DGKG: variants seen among roughly 807,000 people sequenced by gnomAD.
DGKG encodes DAG kinase gamma.
DGKG carries 78 observed loss-of-function variants against 105.3 expected under a neutral mutation model. The ratio of observed to expected loss-of-function variants is 0.74; its 90% CI spans 0.62 to 0.89. The LOEUF is 0.89. Ranked by LOEUF, DGKG falls within the 40% of genes least tolerant of loss-of-function variation. The pLI is 0.00. For missense variants in DGKG, 958 were observed against 1,020.1 expected (o/e 0.94, Z 0.83); for synonymous variants, 346 against 367.1 (o/e 0.94, Z 0.66).
rs867296049 is a variant in DGKG at position 186,148,384 on chromosome 3, T to G, written c.*1706A>C. The stretch of plus-strand genomic sequence containing the variant: ...ACATGTGGAGAGTTCAGTCTGATGA[T>G]CTGTTTAGTACCTTCGATCTCAGAC... On this transcript the variant is annotated 3_prime_UTR_variant, in exon 25 of 25. Coordinates refer to ENST00000265022, the MANE Select transcript of DGKG (RefSeq NM_001346.3). 3 of 985,396 alleles carry G rather than the reference T, an allele frequency of 3.0e-6. No homozygotes were observed. Among genetic ancestry groups the G allele is most frequent in the African/African-American group, 1.7e-5 (1 of 57,344 alleles). 61.0% of individuals were successfully genotyped at this position (985,396 alleles called of 1,614,324 possible). A position where few individuals can be genotyped will look rare whatever the true frequency, so the allele number is the denominator to read the frequency against.
At chr3:186,273,032 T>G (rs1251784740) in intron 10 of DGKG, among the ~76,000 whole-genome samples, 1 of 152,168 alleles carries the variant, frequency 6.6e-6, no homozygotes, top group African/African-American at 2.4e-5. Flanking sequence ...GGTCAGGGCT[T>G]TTGAAGGCTA....
intron 19 of DGKG, among the ~76,000 whole-genome samples, chr3:186,249,715 G>A (rs548525022): frequency 9.2e-5 from 14 of 152,178 alleles, no homozygotes; most frequent in Admixed American, 2.6e-4. Flanking sequence ...GGTATTGCAC[G>A]CTTGTAACCC....
chr3:186,221,229 G>A (rs1719562623), intron 20 of DGKG, among the ~76,000 whole-genome samples: 1 of 152,298 alleles, frequency 6.6e-6, no homozygotes, highest in Non-Finnish European at 1.5e-5. Context: ...GGGCAGGCAA[G>A]GCCAGGACCA....
At chr3:186,259,803 T>C (rs1235268599) in intron 16 of DGKG, among the ~76,000 whole-genome samples, 1 of 152,146 alleles carries the variant, frequency 6.6e-6, no homozygotes. Flanking sequence ...CACAGAGACC[T>C]GCAGCTCACC....
At chr3:186,186,096 C>CAAAAA (rs3049465) in intron 22 of DGKG, among the ~76,000 whole-genome samples, 29 of 75,220 alleles carry the variant, frequency 3.9e-4, no homozygotes, top group Admixed American at 6.7e-4. Context: ...GACTCTGCCT[C>CAAAAA]AAAAAAAAAA....
chr3:186,209,445 T>C (rs910169827), intron 21 of DGKG, among the ~76,000 whole-genome samples: 6 of 152,030 alleles, frequency 3.9e-5, no homozygotes, highest in African/African-American at 1.4e-4. Context: ...TGCTTCCCCA[T>C]AAAATGGGGA....
chr3:186,295,827 T>G (rs1347270316), intron 5 of DGKG, among the ~76,000 whole-genome samples: 2 of 151,344 alleles, frequency 1.3e-5, no homozygotes, highest in Admixed American at 1.3e-4. Context: ...AAGAATAGAG[T>G]ATACTTCTGT....
intron 2 of DGKG, among the ~76,000 whole-genome samples, chr3:186,313,056 C>G (rs1263499782): frequency 6.6e-6 from 1 of 152,226 alleles, no homozygotes; most frequent in Non-Finnish European, 1.5e-5. Flanking sequence ...ACACTTGTCC[C>G]ACATGTCCTA....
chr3:186,307,451 G>C (rs113656081), intron 2 of DGKG, among the ~76,000 whole-genome samples: 1 of 152,126 alleles, frequency 6.6e-6, no homozygotes, highest in South Asian at 2.1e-4. Flanking sequence ...CATTCTTCAA[G>C]ATCCAGCTCA....
intron 13 of DGKG, among the ~76,000 whole-genome samples, chr3:186,266,851 CCT>C (rs766282353): frequency 2.0e-5 from 3 of 152,192 alleles, no homozygotes; most frequent in Non-Finnish European, 4.4e-5. Flanking sequence ...CCTGCCTCAG[CCT>C]CCCAAAGTGC....
intron 19 of DGKG, among the ~76,000 whole-genome samples, chr3:186,249,506 C>G (rs1018199605): frequency 1.3e-5 from 2 of 151,924 alleles, no homozygotes; most frequent in Admixed American, 1.3e-4. Context: ...ATTTTTAGTC[C>G]TTTCTTCTCC....
intron 2 of DGKG, among the ~76,000 whole-genome samples, chr3:186,310,808 T>C (rs532451301): frequency 1.3e-5 from 2 of 152,362 alleles, no homozygotes; most frequent in South Asian, 4.1e-4. Flanking sequence ...TCCCATTTTG[T>C]AGAGTGCTTA....
At chr3:186,202,879 A>G (rs2108512227) in intron 21 of DGKG, among the ~76,000 whole-genome samples, 1 of 152,360 alleles carries the variant, frequency 6.6e-6, no homozygotes, top group Non-Finnish European at 1.5e-5. Context: ...TAATCTTTAA[A>G]AGTTACTTCT....
chr3:186,243,895 G>GTTTTTTTT (rs34134152), intron 19 of DGKG, among the ~76,000 whole-genome samples: 13 of 116,312 alleles, frequency 1.1e-4, no homozygotes, highest in Non-Finnish European at 1.1e-4. Context: ...AAATTTCTGT[G>GTTTTTTTT]TTTTTTTTTT....
At chr3:186,290,487 A>T (rs1723265041) in intron 5 of DGKG, among the ~76,000 whole-genome samples, 1 of 152,186 alleles carries the variant, frequency 6.6e-6, no homozygotes, top group Non-Finnish European at 1.5e-5. Flanking sequence ...TTACCCTCTC[A>T]CCTAAAACAG....
chr3:186,293,476 C>A (rs1444107954), intron 5 of DGKG, among the ~76,000 whole-genome samples: 2 of 152,182 alleles, frequency 1.3e-5, no homozygotes, highest in African/African-American at 4.8e-5. Flanking sequence ...TAACGAAACA[C>A]CAGGACACTG....
chr3:186,253,630 A>T (rs1461578439), intron 17 of DGKG, among the ~76,000 whole-genome samples: 1 of 152,204 alleles, frequency 6.6e-6, no homozygotes, highest in Non-Finnish European at 1.5e-5. Flanking sequence ...GTCTACAACC[A>T]TTCTACCCTG....
At chr3:186,353,622 C>G (rs1042429615) in intron 1 of DGKG, among the ~76,000 whole-genome samples, 1 of 145,180 alleles carries the variant, frequency 6.9e-6, no homozygotes, top group Non-Finnish European at 1.5e-5. Flanking sequence ...TATATAGACT[C>G]TCTATCTATA....
At chr3:186,214,471 A>G (rs887832359) in intron 20 of DGKG, among the ~76,000 whole-genome samples, 3 of 152,244 alleles carry the variant, frequency 2.0e-5, no homozygotes, top group Non-Finnish European at 4.4e-5. Context: ...TAGTGAGGCA[A>G]AAATGACAGA....
Sources: allele counts gnomAD v4.1 joint callset (sites outside exome capture counted in the v4.1 genomes callset), GRCh38; gene constraint gnomAD v4.1.1; transcripts MANE v1.5; gene names NCBI Gene and HGNC (gene_info 2026-07-23, HGNC 2026-07-21).